LARP4B: variants seen among roughly 807,000 people sequenced by gnomAD.
LARP4B encodes la-related protein 4B.
A neutral mutation model predicts 89.8 loss-of-function variants in LARP4B; 12 were observed. That is an observed-to-expected ratio of 0.13 (90% CI 0.09 to 0.22). LARP4B has a LOEUF of 0.22. LARP4B is among the 10% of genes least tolerant of loss of function. The pLI, the probability that LARP4B is intolerant of heterozygous loss-of-function variation, is 1.00. For synonymous variants in LARP4B, 367 were observed against 363.3 expected, an observed-to-expected ratio of 1.01 and a Z score of -0.12; for missense variants, 757 against 947.7, an observed-to-expected ratio of 0.80 and a Z score of 2.64.
the LARP4B span, among the ~76,000 whole-genome samples, chr10:979,925 C>T: frequency 5.3e-5 from 8 of 152,120 alleles, no homozygotes; most frequent in Non-Finnish European, 8.8e-5. Context: ...AAGCTGAGAT[C>T]GCACCACTGT....
At chr10:943,954 C>T in the LARP4B span, among the ~76,000 whole-genome samples, 21 of 151,970 alleles carry the variant, frequency 1.4e-4, no homozygotes, top group Non-Finnish European at 2.5e-4. Flanking sequence ...GCCTTACAGC[C>T]CTACAGGGCT....
chr10:866,034 T>C (rs1234794287), intron 3 of LARP4B, among the ~76,000 whole-genome samples: 1 of 152,186 alleles, frequency 6.6e-6, no homozygotes, highest in Non-Finnish European at 1.5e-5. Context: ...TAAATCCACA[T>C]TGGCTCAGGT....
At chr10:880,679 G>A (rs1835634543) in intron 3 of LARP4B, among the ~76,000 whole-genome samples, 1 of 148,326 alleles carries the variant, frequency 6.7e-6, no homozygotes, top group Non-Finnish European at 1.5e-5. Flanking sequence ...AACAGAGTGA[G>A]GCTGACTCAA....
At chr10:982,116 C>CT in the LARP4B span, among the ~76,000 whole-genome samples, 373 of 45,994 alleles carry the variant, frequency 8.1e-3, 2 homozygotes, top group African/African-American at 0.028. Context: ...TTCTTTCTTT[C>CT]TTTTTTTTTT....
chr10:873,449 T>A (rs1835324345), intron 3 of LARP4B: 3 of 978,354 alleles, frequency 3.1e-6, no homozygotes, highest in Non-Finnish European at 3.6e-6. Flanking sequence ...AAACATAACT[T>A]AAAATATTAT....
At chr10:967,783 C>T in the LARP4B span, among the ~76,000 whole-genome samples, 1 of 152,192 alleles carries the variant, frequency 6.6e-6, no homozygotes, top group South Asian at 2.1e-4. Context: ...TCACTGCAAC[C>T]TCCGCCTCCT....
chr10:844,154 C>T (rs182868176), intron 6 of LARP4B, among the ~76,000 whole-genome samples: 4 of 152,242 alleles, frequency 2.6e-5, no homozygotes, highest in African/African-American at 7.2e-5. Context: ...ACCCTCATCT[C>T]GGCCATCTTC....
chr10:943,472 C>T, the LARP4B span, among the ~76,000 whole-genome samples: 3 of 152,152 alleles, frequency 2.0e-5, no homozygotes, highest in African/African-American at 7.2e-5. Context: ...CTCTGTCACC[C>T]AGGCGGGAGT....
At chr10:888,002 C>T (rs890803021) in intron 1 of LARP4B, among the ~76,000 whole-genome samples, 13 of 150,556 alleles carry the variant, frequency 8.6e-5, no homozygotes, top group Non-Finnish European at 1.6e-4. Context: ...CCCACCTCGG[C>T]GACAGAGCAA....
chr10:915,372 T>C (rs1052146111), intron 1 of LARP4B, among the ~76,000 whole-genome samples: 2 of 152,194 alleles, frequency 1.3e-5, no homozygotes, highest in Admixed American at 6.5e-5. Flanking sequence ...AAGATGTTCA[T>C]ATAATATTAA....
At chr10:833,628 A>G (rs368556575) in intron 8 of LARP4B, among the ~76,000 whole-genome samples, 37 of 152,368 alleles carry the variant, frequency 2.4e-4, no homozygotes, top group Admixed American at 7.8e-4. Context: ...GCGGTGGCTC[A>G]CGCCTGTAAT....
At chr10:925,748 G>A (rs1215084459) in intron 1 of LARP4B, among the ~76,000 whole-genome samples, 1 of 152,136 alleles carries the variant, frequency 6.6e-6, no homozygotes, top group Admixed American at 6.6e-5. Flanking sequence ...TGGCCAGGCT[G>A]GTCTCGAACT....
intron 7 of LARP4B, among the ~76,000 whole-genome samples, chr10:839,261 G>C (rs984705156): frequency 6.6e-6 from 1 of 152,204 alleles, no homozygotes; most frequent in Admixed American, 6.5e-5. Flanking sequence ...GTGGACTCCA[G>C]GTGACAATGA....
At chr10:858,944 G>T (rs1834445515) in intron 5 of LARP4B, among the ~76,000 whole-genome samples, 1 of 152,198 alleles carries the variant, frequency 6.6e-6, no homozygotes, top group South Asian at 2.1e-4. Flanking sequence ...CTGAGGTCAG[G>T]AGTTCGAACC....
the LARP4B span, among the ~76,000 whole-genome samples, chr10:938,444 A>G: frequency 2.8e-4 from 43 of 151,938 alleles, no homozygotes; most frequent in Non-Finnish European, 4.1e-4. Context: ...TAGTAAAGAC[A>G]GGGTTTCACC....
chr10:886,510 C>T (rs936061591), intron 1 of LARP4B, among the ~76,000 whole-genome samples: 1 of 152,198 alleles, frequency 6.6e-6, no homozygotes, highest in South Asian at 2.1e-4. Context: ...ATGTGGATTG[C>T]AGCATTATTC....
At chr10:874,326 G>A (rs768777273) in intron 3 of LARP4B, among the ~76,000 whole-genome samples, 1 of 152,134 alleles carries the variant, frequency 6.6e-6, no homozygotes, top group Non-Finnish European at 1.5e-5. Flanking sequence ...GGTATTATTC[G>A]CTCCACTTCT....
intron 3 of LARP4B, 146 bp from the exon 4 acceptor site, chr10:864,416 T>C (rs1359975909): frequency 4.6e-6 from 3 of 648,816 alleles, no homozygotes; most frequent in Non-Finnish European, 7.3e-6. Flanking sequence ...GAAATCAGGT[T>C]CAAAATTAAA....
At chr10:876,636 G>A (rs1208188963) in intron 3 of LARP4B, among the ~76,000 whole-genome samples, 2 of 152,168 alleles carry the variant, frequency 1.3e-5, no homozygotes, top group Admixed American at 6.5e-5. Flanking sequence ...TCAGGGGTTG[G>A]AGTCTCCTGC....
Sources: allele counts gnomAD v4.1 joint callset (sites outside exome capture counted in the v4.1 genomes callset), GRCh38; gene constraint gnomAD v4.1.1; transcripts MANE v1.5; gene names NCBI Gene and HGNC (gene_info 2026-07-23, HGNC 2026-07-21).